The following PPP1R36 variants were observed in gnomAD, a reference collection of about 807,000 sequenced individuals.
The protein encoded by PPP1R36 is protein phosphatase 1 regulatory subunit 36.
Under a neutral mutation model 53.4 loss-of-function variants are expected in PPP1R36, and 47 were observed. That is an observed-to-expected ratio of 0.88 (90% CI 0.70 to 1.12). PPP1R36 has a LOEUF of 1.12. Ranked by LOEUF, PPP1R36 falls within the 50% of genes most tolerant of loss-of-function variation. The pLI is 0.00. For missense variants in PPP1R36, 456 were observed against 513.9 expected (o/e 0.89, Z 1.09); for synonymous variants, 153 against 170.5 (o/e 0.90, Z 0.80).
In PPP1R36 at chr14:64,589,231, T is replaced by A. The variant is rs1299993589; in HGVS notation, c.1162T>A (p.Ser388Thr). 4 of 1,613,830 alleles carry A rather than the reference T, an allele frequency of 2.5e-6. No homozygotes were observed. The African/African-American group carries it at 5.3e-5, about 22-fold the overall frequency. The change falls in exon 12 of 12, where the codon TCA becomes ACA. Residue 388 changes from serine to threonine, a missense_variant. Ser to Thr is a moderately conservative substitution (Grantham distance 58, BLOSUM62 1). Coordinates refer to ENST00000298705, the MANE Select transcript of PPP1R36 (RefSeq NM_172365.3). ...CCTTGATCCAGAAGAAAACACAAAA[T>A]CATTTGGGAGATATCCTTCCTTGAT... ...HPLDPEENTK[S>T]FGRYPSLMEN... is the part of the protein sequence containing the mutation.
intron 8 of PPP1R36, among the ~76,000 whole-genome samples, chr14:64,574,822 G>C (rs2140239526): frequency 6.6e-6 from 1 of 152,322 alleles, no homozygotes; most frequent in African/African-American, 2.4e-5. Context: ...ACTTTCCACT[G>C]CTTGAGATTG....
intron 3 of PPP1R36, among the ~76,000 whole-genome samples, chr14:64,563,861 C>G (rs188674890): frequency 3.9e-4 from 59 of 152,296 alleles, no homozygotes; most frequent in Non-Finnish European, 1.5e-5. Flanking sequence ...CACCACAGTT[C>G]TCCCAGAAAA....
chr14:64,576,481 C>T lies in PPP1R36; in HGVS notation c.668+1892C>T, dbSNP rs146264974. On this transcript the variant is annotated intron_variant, in intron 8 of 11. Transcript: ENST00000298705. ...TTTCTTCTTGGCTATTCATAAGGATCGTATATTAGTTTATAAAGTTAAAAA... is the reference window on the plus strand; with the variant it reads ...TTTCTTCTTGGCTATTCATAAGGATTGTATATTAGTTTATAAAGTTAAAAA... Among the ~76,000 whole-genome samples the T allele has an allele frequency of 1.0e-2, 1,515 of 152,178 alleles. 12 individuals carry two copies. The highest frequency in any genetic ancestry group is 0.017 in the Non-Finnish European group (1,158 of 68,012).
At chr14:64,582,071 C>A (rs1035542549) in intron 8 of PPP1R36, among the ~76,000 whole-genome samples, 1 of 152,074 alleles carries the variant, frequency 6.6e-6, no homozygotes, top group Non-Finnish European at 1.5e-5. Flanking sequence ...AGCGGTGGGG[C>A]TGACGGGGAA....
intron 11 of PPP1R36, 133 bp from the exon 12 acceptor site, chr14:64,589,019 A>G: frequency 1.7e-6 from 1 of 601,150 alleles, no homozygotes; most frequent in Admixed American, 3.7e-5. Flanking sequence ...TTTTAAAAAG[A>G]GAGAAAGAGT....
intron 2 of PPP1R36, chr14:64,551,512 T>C (rs2080093627): frequency 4.8e-6 from 2 of 415,778 alleles, no homozygotes; most frequent in Admixed American, 5.5e-5. Flanking sequence ...CTCTTACAAG[T>C]GTATAGCTAA....
At chr14:64,575,843 G>A (rs1233666253) in intron 8 of PPP1R36, among the ~76,000 whole-genome samples, 1 of 151,808 alleles carries the variant, frequency 6.6e-6, no homozygotes, top group African/African-American at 2.4e-5. Flanking sequence ...GTAGAGACAG[G>A]GTTTCACCAT....
chr14:64,556,014 C>T (rs1263218122), intron 3 of PPP1R36, among the ~76,000 whole-genome samples: 1 of 152,142 alleles, frequency 6.6e-6, no homozygotes, highest in East Asian at 1.9e-4. Context: ...ACCACCAGTG[C>T]ACCAATGTTA....
intron 3 of PPP1R36, among the ~76,000 whole-genome samples, chr14:64,562,419 C>G (rs2080212542): frequency 6.6e-6 from 1 of 152,038 alleles, no homozygotes; most frequent in South Asian, 2.1e-4. Flanking sequence ...TGAGATCACG[C>G]CACTCCAGCC....
intron 3 of PPP1R36, among the ~76,000 whole-genome samples, chr14:64,555,538 A>G (rs1413231378): frequency 6.6e-6 from 1 of 152,216 alleles, no homozygotes; most frequent in Non-Finnish European, 1.5e-5. Context: ...AGTGAGCTAC[A>G]CTTTTCTTTT....
At chr14:64,574,666 T>C (rs1369533845) in intron 8 of PPP1R36, 77 bp downstream of exon 8, 5 of 1,459,764 alleles carry the variant, frequency 3.4e-6, no homozygotes, top group East Asian at 2.3e-5. Context: ...CGTTTGACTT[T>C]TGTTACCTTG....
In PPP1R36 at chr14:64,586,934, C is replaced by A. The variant is rs977214686; in HGVS notation, c.711+55C>A. The A allele has an allele frequency of 5.0e-6, 7 of 1,392,712 alleles. No individual in the cohort carries two copies. In the East Asian group the frequency reaches 1.6e-4, roughly 32 times the overall value. The allele number at this position is 1,392,712 out of a possible 1,614,324, so 86.3% of individuals were successfully genotyped here. On this transcript the variant is annotated intron_variant, in intron 9 of 11. Coordinates refer to ENST00000298705, the MANE Select transcript of PPP1R36 (RefSeq NM_172365.3). ...ATATGAAACAATATATACCAACAAC[C>A]AATGGCCATTTGTCAGGCACTTATT...
intron 5 of PPP1R36, 64 bp from the exon 6 acceptor site, chr14:64,565,562 A>T: frequency 1.4e-6 from 2 of 1,475,916 alleles, no homozygotes; most frequent in South Asian, 2.3e-5. Flanking sequence ...ACATAAACGT[A>T]TCTTGTGTGA....
chr14:64,560,846 A>T (rs1343112507), intron 3 of PPP1R36, among the ~76,000 whole-genome samples: 1 of 152,216 alleles, frequency 6.6e-6, no homozygotes, highest in Non-Finnish European at 1.5e-5. Flanking sequence ...GTGTCACTTT[A>T]TAAGTCTGCA....
chr14:64,581,536 T>G (rs2080390046), intron 8 of PPP1R36, among the ~76,000 whole-genome samples: 1 of 151,956 alleles, frequency 6.6e-6, no homozygotes, highest in Admixed American at 6.6e-5. Context: ...TGTTATCTTC[T>G]TATCAAGTTG....
At position 64,550,159 on chromosome 14, in the gene PPP1R36, G is replaced by C. The variant is rs1236641875; in HGVS notation, c.69+93G>C. On this transcript the variant is annotated intron_variant, in intron 1 of 11. Coordinates refer to ENST00000298705, the MANE Select transcript of PPP1R36 (RefSeq NM_172365.3). ...GCGCCGCGCCCCTCGCCCTCCTCCA[G>C]AGGCGGGTCGTCGCCTTCGCCCCGG... The C allele has an allele frequency of 2.0e-6, 3 of 1,483,430 alleles. No homozygotes were observed. In the African/African-American group the frequency reaches 4.3e-5, roughly 21 times the overall value. The allele number at this position is 1,483,430 out of a possible 1,614,324, so 91.9% of individuals were successfully genotyped here. A position where few individuals can be genotyped will look rare whatever the true frequency, so the allele number is the denominator to read the frequency against.
rs756040980 is a variant in PPP1R36, at chr14:64,574,464, A to T, written c.543A>T (p.Val181=). ...TTGTCCTCCCCATCAGAGGCCTTGTAGAGAAAAAAGAAATGGAATTGGTTT... is the reference window on the plus strand; with the variant it reads ...TTGTCCTCCCCATCAGAGGCCTTGTTGAGAAAAAAGAAATGGAATTGGTTT... The part of the protein sequence containing the change: ...KKPKSYMVGL[V]EKKEMELVLS... Residue 181 remains valine, a synonymous_variant, in exon 8 of 12, where the codon GTA becomes GTT. Coordinates refer to ENST00000298705, the MANE Select transcript of PPP1R36 (RefSeq NM_172365.3). The T allele has an allele frequency of 6.2e-7, 1 of 1,612,876 alleles. No individual in the cohort carries two copies. Among genetic ancestry groups the T allele is most frequent in the Admixed American group, 1.7e-5 (1 of 59,746 alleles).
intron 2 of PPP1R36, among the ~76,000 whole-genome samples, 180 bp downstream of exon 2, chr14:64,551,165 G>A (rs563718898): frequency 6.6e-6 from 1 of 152,204 alleles, no homozygotes; most frequent in Non-Finnish European, 1.5e-5. Context: ...ACATGGACCA[G>A]ACACTGTGCT....
intron 2 of PPP1R36, among the ~76,000 whole-genome samples, chr14:64,552,084 G>T (rs988482678): frequency 6.6e-6 from 1 of 152,208 alleles, no homozygotes; most frequent in Non-Finnish European, 1.5e-5. Context: ...AGGATGTGGG[G>T]ATTGGATGTG....
Sources: gnomAD v4.1 joint callset for allele counts (sites outside exome capture counted in the v4.1 genomes callset) on GRCh38, gnomAD v4.1.1 for gene constraint, MANE v1.5 for transcripts, NCBI Gene and HGNC (gene_info 2026-07-23, HGNC 2026-07-21) for gene names.